The following LRRC3B variants were observed in gnomAD, a reference collection of about 807,000 sequenced individuals.
LRRC3B encodes leucine rich repeat containing 3B.
Under a neutral mutation model 12.8 loss-of-function variants are expected in LRRC3B, and 2 were observed. The ratio of observed to expected loss-of-function variants is 0.16; its 90% CI spans 0.06 to 0.49. The LOEUF (loss-of-function observed/expected upper bound fraction) is 0.49, where lower values mean the gene tolerates loss of function less well. LRRC3B is among the 20% of genes least tolerant of loss of function. The pLI is 0.96. For missense variants in LRRC3B, 189 were observed against 319.4 expected, an observed-to-expected ratio of 0.59 and a Z score of 3.11; for synonymous variants, 132 against 122.0, an observed-to-expected ratio of 1.08 and a Z score of -0.54.
chr3:26,673,237 T>C (rs1194080416), intron 1 of LRRC3B, among the ~76,000 whole-genome samples: 1 of 152,216 alleles, frequency 6.6e-6, no homozygotes, highest in Non-Finnish European at 1.5e-5. Flanking sequence ...GAACATGCAG[T>C]ATTGAAAACT....
chr3:26,640,760 G>T (rs1208803738), intron 1 of LRRC3B, among the ~76,000 whole-genome samples: 1 of 152,120 alleles, frequency 6.6e-6, no homozygotes, highest in African/African-American at 2.4e-5. Flanking sequence ...CATGCTGGGT[G>T]TAGGAAGGAC....
At chr3:26,698,999 C>G (rs1700386474) in intron 1 of LRRC3B, among the ~76,000 whole-genome samples, 1 of 152,068 alleles carries the variant, frequency 6.6e-6, no homozygotes, top group Non-Finnish European at 1.5e-5. Context: ...TTTTCTTTAT[C>G]TAGAACAGTT....
At chr3:26,681,972 A>G (rs1699980068) in intron 1 of LRRC3B, among the ~76,000 whole-genome samples, 1 of 152,112 alleles carries the variant, frequency 6.6e-6, no homozygotes, top group Admixed American at 6.6e-5. Context: ...TCCTACGATA[A>G]AGTTTAATTT....
At chr3:26,706,720 C>T (rs918734843) in intron 1 of LRRC3B, among the ~76,000 whole-genome samples, 3 of 152,162 alleles carry the variant, frequency 2.0e-5, no homozygotes, top group African/African-American at 7.2e-5. Flanking sequence ...TGGAGAAACC[C>T]TGATTAAGTA....
At chr3:26,705,973 T>A (rs1430274197) in intron 1 of LRRC3B, among the ~76,000 whole-genome samples, 1 of 152,162 alleles carries the variant, frequency 6.6e-6, no homozygotes, top group Non-Finnish European at 1.5e-5. Flanking sequence ...GCTGTCTACA[T>A]CCTGGACATC....
rs563982420 is a variant in LRRC3B at position 26,687,704 on chromosome 3, A to G, written c.-160-21809A>G. The stretch of plus-strand genomic sequence containing the variant: ...TTGTGTACTTGTGAGCTGAGCTGCT[A>G]ACAAGTGGTAGAATCGATTCATTTG... On this transcript the variant is annotated intron_variant, in intron 1 of 1. Coordinates refer to ENST00000396641, the Ensembl canonical transcript of LRRC3B. 7.2e-5 allele frequency among the ~76,000 whole-genome samples: 11 copies of G among 152,310 alleles called. No individual in the cohort carries two copies. The South Asian group carries it at 2.3e-3, about 32-fold the overall frequency.
At chr3:26,635,172 C>T (rs1686369761) in intron 1 of LRRC3B, among the ~76,000 whole-genome samples, 1 of 152,140 alleles carries the variant, frequency 6.6e-6, no homozygotes, top group South Asian at 2.1e-4. Context: ...GACCTCAGGA[C>T]TGCAGTGTCT....
chr3:26,709,413 C>G, intron 1 of LRRC3B, 100 bp from the exon 2 acceptor site: 1 of 490,888 alleles, frequency 2.0e-6, no homozygotes, highest in South Asian at 3.2e-5. Flanking sequence ...ATAACTAACC[C>G]CCCTGCTCAA....
chr3:26,646,861 T>C (rs1002852308), intron 1 of LRRC3B, among the ~76,000 whole-genome samples: 1 of 152,272 alleles, frequency 6.6e-6, no homozygotes, highest in South Asian at 2.1e-4. Context: ...GGGAACCTAA[T>C]TTGAGTCCCA....
At chr3:26,684,924 T>TCAAA (rs1318503511) in intron 1 of LRRC3B, among the ~76,000 whole-genome samples, 1 of 151,570 alleles carries the variant, frequency 6.6e-6, no homozygotes, top group East Asian at 2.0e-4. Flanking sequence ...TTGCAGTCAC[T>TCAAA]CAAACACAGG....
At position 26,632,836 on chromosome 3, in the gene LRRC3B, C is replaced by A. The variant is rs149037888; in HGVS notation, c.-161+9599C>A. Reference sequence around the variant, plus strand: ...TGGCTGTTACCTGTCGCTTTACCTGCCATTTTCCTTGGCATACCCTGTGCT... The same window carrying A: ...TGGCTGTTACCTGTCGCTTTACCTGACATTTTCCTTGGCATACCCTGTGCT... On this transcript the variant is annotated intron_variant, in intron 1 of 1. Coordinates refer to ENST00000396641, the Ensembl canonical transcript of LRRC3B. Among the ~76,000 whole-genome samples, 122 of 152,194 alleles carry A rather than the reference C, an allele frequency of 8.0e-4. No homozygotes were observed. The East Asian group carries it at 0.021, about 27-fold the overall frequency.
At chr3:26,629,123 G>A (rs903889538) in intron 1 of LRRC3B, among the ~76,000 whole-genome samples, 3 of 152,078 alleles carry the variant, frequency 2.0e-5, no homozygotes, top group African/African-American at 7.2e-5. Context: ...TTGACAAAGT[G>A]GTAAGTATGT....
chr3:26,644,820 G>T (rs1004438475), intron 1 of LRRC3B, among the ~76,000 whole-genome samples: 3 of 152,104 alleles, frequency 2.0e-5, no homozygotes, highest in African/African-American at 7.2e-5. Flanking sequence ...AACTATTTGA[G>T]GATGAAGTAT....
At chr3:26,695,242 C>G (rs1312574794) in intron 1 of LRRC3B, among the ~76,000 whole-genome samples, 1 of 152,048 alleles carries the variant, frequency 6.6e-6, no homozygotes, top group Non-Finnish European at 1.5e-5. Flanking sequence ...TTAAAAAATA[C>G]TTCAGCTGGG....
chr3:26,623,457 A>G (rs2125394050), intron 1 of LRRC3B, among the ~76,000 whole-genome samples: 1 of 152,264 alleles, frequency 6.6e-6, no homozygotes, highest in African/African-American at 2.4e-5. Flanking sequence ...GCCGGCTGCT[A>G]TACAATAGTC....
chr3:26,636,033 A>G (rs1366047098), intron 1 of LRRC3B, among the ~76,000 whole-genome samples: 1 of 152,130 alleles, frequency 6.6e-6, no homozygotes, highest in East Asian at 1.9e-4. Flanking sequence ...TTACTAGCTC[A>G]CCCCACGGTG....
At chr3:26,625,842 C>T (rs551663976) in intron 1 of LRRC3B, among the ~76,000 whole-genome samples, 3 of 152,326 alleles carry the variant, frequency 2.0e-5, no homozygotes, top group African/African-American at 7.2e-5. Flanking sequence ...ACCCTCACAA[C>T]AACCCTGAAA....
At chr3:26,651,977 TG>T (rs1332638427) in intron 1 of LRRC3B, among the ~76,000 whole-genome samples, 14 of 152,204 alleles carry the variant, frequency 9.2e-5, no homozygotes, top group Admixed American at 9.2e-4. Flanking sequence ...CCCAGGATCC[TG>T]GTGCTAGCAA....
chr3:26,690,470 G>GTCTT (rs1700167775), intron 1 of LRRC3B, among the ~76,000 whole-genome samples: 1 of 152,162 alleles, frequency 6.6e-6, no homozygotes, highest in Non-Finnish European at 1.5e-5. Flanking sequence ...GACAGGGGAA[G>GTCTT]TCTTACTGCA....
Sources: gnomAD v4.1 joint callset for allele counts (sites outside exome capture counted in the v4.1 genomes callset) on GRCh38, gnomAD v4.1.1 for gene constraint, MANE v1.5 for transcripts, NCBI Gene and HGNC (gene_info 2026-07-23, HGNC 2026-07-21) for gene names.